The following SHROOM4 variants were observed in gnomAD, a reference collection of about 807,000 sequenced individuals.
SHROOM4 encodes shroom family member 4, also known as protein Shroom4.
SHROOM4 carries 17 observed loss-of-function variants against 80.3 expected under a neutral mutation model. That is an observed-to-expected ratio of 0.21 (90% CI 0.14 to 0.32). The LOEUF (loss-of-function observed/expected upper bound fraction) is 0.32. Ranked by LOEUF, SHROOM4 falls within the 10% of genes least tolerant of loss-of-function variation. SHROOM4 has a pLI of 1.00. For missense variants in SHROOM4, 993 were observed against 1,140.3 expected (o/e 0.87, Z 1.86); for synonymous variants, 400 against 437.5 (o/e 0.91, Z 1.07).
chrX:50,611,685 C>G (rs782167370), intron 5 of SHROOM4, among the ~76,000 whole-genome samples: 1 of 110,084 alleles, frequency 9.1e-6, no homozygotes, highest in Non-Finnish European at 1.9e-5. Context: ...TTTGGGAGGC[C>G]GAGGCGGGCG....
chrX:50,813,826 C>T (rs1295403543), intron 1 of SHROOM4, 76 bp downstream of exon 1: 2 of 811,756 alleles, frequency 2.5e-6, no homozygotes, highest in East Asian at 3.3e-5. Context: ...CTGAGGGCCC[C>T]GTCCAGCGGC....
chrX:50,769,975 C>CG (rs1279984667), intron 1 of SHROOM4, among the ~76,000 whole-genome samples: 3 of 109,773 alleles, frequency 2.7e-5, no homozygotes, highest in African/African-American at 1.0e-4. Context: ...CACATGTTCT[C>CG]GGGGGGAATA....
chrX:50,590,724 T>A lies in SHROOM4; in HGVS notation c.*5971A>T. 8.9e-6 allele frequency among the ~76,000 whole-genome samples: 1 copy of A among 112,404 alleles called. No homozygotes were observed. Among genetic ancestry groups the A allele is most frequent in the Non-Finnish European group, 1.9e-5 (1 of 53,283 alleles). Reference sequence around the variant, plus strand: ...TTAAGACAATCAGTCTATGGTAGTATGTTATAGCAACCCAAGCATACTAAA... The same window carrying A: ...TTAAGACAATCAGTCTATGGTAGTAAGTTATAGCAACCCAAGCATACTAAA... On this transcript the variant is annotated 3_prime_UTR_variant, in exon 9 of 9. Coordinates refer to ENST00000376020, the MANE Select transcript of SHROOM4 (RefSeq NM_020717.5).
Position 50,634,305 on chromosome X carries a change from T to G in SHROOM4, c.1768A>C (p.Thr590Pro). Residue 590 changes from threonine to proline, a missense_variant, in exon 4 of 9, where the codon ACC (threonine) becomes CCC (proline). Physicochemically the swap from Thr to Pro is conservative, Grantham distance 38 (BLOSUM62 -1). Coordinates refer to ENST00000376020, the MANE Select transcript of SHROOM4 (RefSeq NM_020717.5). ...CTCTGAATTTCATTACGCAGATTGG[T>G]AGCAAAACGCTCACTCTTCCGCCGG... ...QNRRKSERFA[T>P]NLRNEIQRRK... 1 of 1,211,055 alleles carries G rather than the reference T, an allele frequency of 8.3e-7. No homozygotes were observed. Among genetic ancestry groups the G allele is most frequent in the Non-Finnish European group, 1.1e-6 (1 of 895,387 alleles).
rs368203300 is a variant in SHROOM4 at position 50,735,164 on chromosome X, G to T, written c.118-39227C>A. 5.4e-5 allele frequency among the ~76,000 whole-genome samples: 6 copies of T among 112,078 alleles called. No homozygotes were observed. In the East Asian group the frequency reaches 1.7e-3, roughly 32 times the overall value. ...GCAATGGAATGGCATTGAGAGTTCA[G>T]AAATAGACCGATAAACCTATGTTTA... On this transcript the variant is annotated intron_variant, in intron 1 of 8. Transcript: ENST00000376020.
intron 1 of SHROOM4, among the ~76,000 whole-genome samples, chrX:50,741,455 A>G (rs1220198174): frequency 9.0e-6 from 1 of 111,336 alleles, no homozygotes; most frequent in African/African-American, 3.3e-5. Context: ...CATGATAAAA[A>G]TAATAGGTAA....
In SHROOM4 at chrX:50,633,686, C is replaced by T; in HGVS notation, c.2387G>A (p.Ser796Asn). The T allele has an allele frequency of 8.3e-7, 1 of 1,211,893 alleles. No homozygotes were observed. Among genetic ancestry groups the T allele is most frequent in the Non-Finnish European group, 1.1e-6 (1 of 895,563 alleles). The change falls in exon 4 of 9, where the codon AGC (serine) becomes AAC (asparagine). Residue 796 changes from serine (S) to asparagine (N), a missense_variant. Physicochemically the swap from Ser to Asn is conservative, Grantham distance 46. Coordinates refer to ENST00000376020, the MANE Select transcript of SHROOM4 (RefSeq NM_020717.5). The stretch of plus-strand genomic sequence containing the variant: ...TGGTCTCTGGGTAAAAGTCTTGTTG[C>T]TATGAGTGGTTAAACCTGGCAAATG... The part of the protein sequence containing the change: ...TSHLPGLTTH[S>N]NKTFTQRPKP...
chrX:50,746,572 G>A (rs1311391592), intron 1 of SHROOM4, among the ~76,000 whole-genome samples: 1 of 111,772 alleles, frequency 8.9e-6, no homozygotes, highest in Non-Finnish European at 1.9e-5. Context: ...TGTTTGAGTT[G>A]GTAAATTCAA....
chrX:50,677,114 T>C (rs1169502371), intron 2 of SHROOM4, among the ~76,000 whole-genome samples: 2 of 111,283 alleles, frequency 1.8e-5, no homozygotes, highest in African/African-American at 6.5e-5. Context: ...TTAGCTCCAA[T>C]AGTCAAGGCT....
intron 1 of SHROOM4, among the ~76,000 whole-genome samples, chrX:50,775,800 T>C (rs1427819008): frequency 8.9e-6 from 1 of 112,475 alleles, no homozygotes; most frequent in Non-Finnish European, 1.9e-5. Context: ...ATGAGGGAAC[T>C]GGTGCTTAAC....
chrX:50,775,093 C>T (rs1348669260), intron 1 of SHROOM4, among the ~76,000 whole-genome samples: 1 of 111,533 alleles, frequency 9.0e-6, no homozygotes, highest in African/African-American at 3.3e-5. Context: ...GTGCCAACAC[C>T]CTCCTGATGC....
intron 2 of SHROOM4, among the ~76,000 whole-genome samples, chrX:50,670,343 A>G (rs1423650344): frequency 9.5e-6 from 1 of 104,746 alleles, no homozygotes; most frequent in Non-Finnish European, 1.9e-5. Context: ...CTCACTTGTG[A>G]GTGAGAACAT....
intron 1 of SHROOM4, among the ~76,000 whole-genome samples, chrX:50,699,118 T>C (rs1933451080): frequency 8.9e-6 from 1 of 112,350 alleles, no homozygotes; most frequent in Non-Finnish European, 1.9e-5. Flanking sequence ...CCCAGATGCA[T>C]TGGAATGTCG....
chrX:50,724,319 T>C (rs1351097541), intron 1 of SHROOM4, among the ~76,000 whole-genome samples: 1 of 112,518 alleles, frequency 8.9e-6, no homozygotes, highest in Non-Finnish European at 1.9e-5. Flanking sequence ...TGCTGACATG[T>C]TGGTTTTAGC....
the SHROOM4 span, among the ~76,000 whole-genome samples, chrX:50,579,504 T>C: frequency 1.8e-5 from 2 of 111,996 alleles, no homozygotes; most frequent in Non-Finnish European, 3.8e-5. Flanking sequence ...CTATAATTTA[T>C]GGGGAATGAA....
chrX:50,598,866 C>T (rs144896704), intron 7 of SHROOM4, among the ~76,000 whole-genome samples: 1,158 of 110,765 alleles, frequency 0.01, 9 homozygotes, highest in Middle Eastern at 0.037. Flanking sequence ...CACTCTGTTG[C>T]CCAGGCTGGA....
chrX:50,612,185 T>A lies in SHROOM4; in HGVS notation c.2958-4001A>T, dbSNP rs28824290. Among the ~76,000 whole-genome samples, 723 of 107,096 alleles carry A rather than the reference T, an allele frequency of 6.8e-3. 4 individuals carry two copies. The highest frequency in any genetic ancestry group is 0.017 in the African/African-American group (484 of 28,178). The allele number at this position is 107,096 out of a possible 115,157, so 93.0% of individuals were successfully genotyped here. A position where few individuals can be genotyped will look rare whatever the true frequency, so the allele number is the denominator to read the frequency against. ...ACAGATTAACCACTTGCTAATCTAATTAAAAAAAAAACACCCAAATGCACA... is the reference window on the plus strand; with the variant it reads ...ACAGATTAACCACTTGCTAATCTAAATAAAAAAAAAACACCCAAATGCACA... On this transcript the variant is annotated intron_variant, in intron 5 of 8. Transcript: ENST00000376020.
intron 1 of SHROOM4, among the ~76,000 whole-genome samples, chrX:50,719,775 CAT>C (rs782467276): frequency 8.0e-5 from 9 of 112,468 alleles, no homozygotes; most frequent in African/African-American, 1.3e-4. Context: ...TGTGTGCACA[CAT>C]GTGTGTGCGT....
At position 50,634,440 on chromosome X, in the gene SHROOM4, T is replaced by C. The variant is rs1931233144; in HGVS notation, c.1633A>G (p.Lys545Glu). Residue 545 changes from lysine (K) to glutamate (E), a missense_variant, in exon 4 of 9, where the codon AAA becomes GAA. Transcript: ENST00000376020. Reference sequence around the variant, plus strand: ...CCTGCCTCTGTGCCACTAGCTGCTTTAGTGGTTGAAGAACAGTCCGTGGCT... The same window carrying C: ...CCTGCCTCTGTGCCACTAGCTGCTTCAGTGGTTGAAGAACAGTCCGTGGCT... ...QQATDCSSTT[K>E]AASGTEAGEE... The C allele has an allele frequency of 8.3e-7, 1 of 1,211,496 alleles. No homozygotes were observed.
Sources: allele counts gnomAD v4.1 joint callset (sites outside exome capture counted in the v4.1 genomes callset), GRCh38; gene constraint gnomAD v4.1.1; transcripts MANE v1.5; gene names NCBI Gene and HGNC (gene_info 2026-07-23, HGNC 2026-07-21).